INPP4B: variants seen among roughly 807,000 people sequenced by gnomAD.
The protein encoded by INPP4B is inositol polyphosphate 4-phosphatase type II.
A neutral mutation model predicts 122.5 loss-of-function variants in INPP4B; 55 were observed. The ratio of observed to expected loss-of-function variants is 0.45; its 90% CI spans 0.36 to 0.56. INPP4B has a LOEUF of 0.56. INPP4B is among the 20% of genes least tolerant of loss of function. INPP4B has a pLI of 0.00. For synonymous variants in INPP4B, 403 were observed against 388.7 expected (o/e 1.04, Z -0.43); for missense variants, 1,000 against 1,097.7 (o/e 0.91, Z 1.26).
At chr4:142,501,190 G>T (rs1823328223) in intron 2 of INPP4B, among the ~76,000 whole-genome samples, 1 of 152,148 alleles carries the variant, frequency 6.6e-6, no homozygotes, top group Non-Finnish European at 1.5e-5. Context: ...TAGGTCATCA[G>T]GTGACTGCCA....
intron 16 of INPP4B, among the ~76,000 whole-genome samples, chr4:142,162,316 TA>T: frequency 6.6e-6 from 1 of 151,478 alleles, no homozygotes; most frequent in African/African-American, 2.4e-5. Context: ...GAATGAAAGA[TA>T]TAAAAAAACT....
intron 25 of INPP4B, among the ~76,000 whole-genome samples, chr4:142,052,724 T>C (rs1007715978): frequency 1.3e-5 from 2 of 151,974 alleles, no homozygotes; most frequent in Non-Finnish European, 2.9e-5. Context: ...GGGAAGTGAG[T>C]TCTGAGCTTG....
intron 16 of INPP4B, among the ~76,000 whole-genome samples, chr4:142,167,562 TA>T (rs1295172175): frequency 6.6e-6 from 1 of 151,668 alleles, no homozygotes; most frequent in East Asian, 1.9e-4. Context: ...ATTAAATTTT[TA>T]AAAAAGATAT....
At chr4:142,681,955 A>C (rs563002070) in intron 2 of INPP4B, among the ~76,000 whole-genome samples, 1 of 151,994 alleles carries the variant, frequency 6.6e-6, no homozygotes, top group Non-Finnish European at 1.5e-5. Flanking sequence ...TCAAAAGTTC[A>C]GTCATAAAGT....
chr4:142,824,125 G>C (rs532620323), intron 1 of INPP4B, among the ~76,000 whole-genome samples: 4 of 151,808 alleles, frequency 2.6e-5, no homozygotes, highest in Non-Finnish European at 5.9e-5. Context: ...TTAAACCATG[G>C]CCCCCCCAGG....
At chr4:142,191,911 G>A (rs1302461444) in intron 15 of INPP4B, among the ~76,000 whole-genome samples, 2 of 152,064 alleles carry the variant, frequency 1.3e-5, no homozygotes, top group East Asian at 3.9e-4. Context: ...TGTATTGGTA[G>A]TTTATATATT....
chr4:142,813,777 A>G (rs60473546), intron 1 of INPP4B, among the ~76,000 whole-genome samples: 3,393 of 152,238 alleles, frequency 0.022, 251 homozygotes, highest in Admixed American at 0.16. Flanking sequence ...AAAGTAACTG[A>G]TGTAACCTCT....
At chr4:142,134,066 A>G (rs1044114690) in intron 18 of INPP4B, among the ~76,000 whole-genome samples, 1 of 152,206 alleles carries the variant, frequency 6.6e-6, no homozygotes. Flanking sequence ...CAGGAGAGCC[A>G]GTGTTTTATC....
intron 1 of INPP4B, among the ~76,000 whole-genome samples, chr4:142,806,843 G>GAAAGAAAC (rs1778919942): frequency 1.3e-5 from 2 of 149,646 alleles, no homozygotes; most frequent in Non-Finnish European, 3.0e-5. Flanking sequence ...AAGAAAGAAA[G>GAAAGAAAC]AAAGAAAGGA....
intron 7 of INPP4B, among the ~76,000 whole-genome samples, chr4:142,333,626 C>T (rs1775522086): frequency 6.6e-6 from 1 of 152,002 alleles, no homozygotes. Context: ...ACTGGATGGT[C>T]TTGTCTTTAT....
chr4:142,576,129 A>G (rs972312112), intron 2 of INPP4B, among the ~76,000 whole-genome samples: 3 of 152,042 alleles, frequency 2.0e-5, no homozygotes, highest in African/African-American at 7.2e-5. Flanking sequence ...TTTAATTAGT[A>G]AATATTTATT....
intron 25 of INPP4B, among the ~76,000 whole-genome samples, chr4:142,053,591 T>TGGCCTCAC (rs1755847201): frequency 6.6e-6 from 1 of 151,868 alleles, no homozygotes; most frequent in Admixed American, 6.6e-5. Flanking sequence ...CCTGTAGTCA[T>TGGCCTCAC]GGCCCACTTT....
At chr4:142,501,660 A>G (rs2149822075) in intron 2 of INPP4B, among the ~76,000 whole-genome samples, 1 of 152,250 alleles carries the variant, frequency 6.6e-6, no homozygotes, top group African/African-American at 2.4e-5. Context: ...AGTGACAATT[A>G]AATAATAGAG....
At chr4:142,608,378 GATA>G (rs1741754021) in intron 2 of INPP4B, among the ~76,000 whole-genome samples, 1 of 152,252 alleles carries the variant, frequency 6.6e-6, no homozygotes, top group African/African-American at 2.4e-5. Flanking sequence ...AAACAAACAT[GATA>G]ATGTCAATGG....
At chr4:142,252,922 A>G (rs577945377) in intron 11 of INPP4B, among the ~76,000 whole-genome samples, 58 of 152,308 alleles carry the variant, frequency 3.8e-4, no homozygotes, top group African/African-American at 1.4e-3. Context: ...CAATTTCGTC[A>G]TGGTGCAAAC....
At chr4:142,182,548 A>AAT in intron 15 of INPP4B, among the ~76,000 whole-genome samples, 1 of 55,984 alleles carries the variant, frequency 1.8e-5, no homozygotes, top group African/African-American at 3.4e-5. Flanking sequence ...CTCTGTCTCA[A>AAT]AAAAAAAAAA....
At chr4:142,160,255 C>A in intron 17 of INPP4B, 103 bp downstream of exon 17, 1 of 869,290 alleles carries the variant, frequency 1.2e-6, no homozygotes, top group East Asian at 2.6e-5. Flanking sequence ...AGTGTTATAA[C>A]TTTTTTTCCA....
intron 1 of INPP4B, among the ~76,000 whole-genome samples, chr4:142,768,767 T>C (rs953999555): frequency 6.6e-6 from 1 of 152,110 alleles, no homozygotes; most frequent in African/African-American, 2.4e-5. Context: ...GGTCAAGACA[T>C]TGAATTCCAT....
intron 11 of INPP4B, among the ~76,000 whole-genome samples, chr4:142,256,576 C>A (rs925504738): frequency 1.3e-5 from 2 of 152,146 alleles, no homozygotes; most frequent in Non-Finnish European, 2.9e-5. Context: ...ACTACAAACA[C>A]CTCTACGCAA....
Sources: gnomAD v4.1 joint callset for allele counts (sites outside exome capture counted in the v4.1 genomes callset) on GRCh38, gnomAD v4.1.1 for gene constraint, MANE v1.5 for transcripts, NCBI Gene and HGNC (gene_info 2026-07-23, HGNC 2026-07-21) for gene names.